XKR4: variants seen among roughly 807,000 people sequenced by gnomAD.
XKR4 encodes the protein XK-related protein 4.
In XKR4, 12 loss-of-function variants were observed where a neutral mutation model predicts 53.9. The ratio of observed to expected loss-of-function variants is 0.22; its 90% CI spans 0.14 to 0.36. The LOEUF is 0.36. XKR4 is among the 10% of genes least tolerant of loss of function. The probability of loss-of-function intolerance (pLI) is 1.00; values close to 1 mark genes in which losing one functional copy is unlikely to be tolerated. For missense variants in XKR4, 799 were observed against 859.5 expected (o/e 0.93, Z 0.88); for synonymous variants, 354 against 362.4 (o/e 0.98, Z 0.26).
intron 2 of XKR4, among the ~76,000 whole-genome samples, chr8:55,421,154 T>A (rs569976113): frequency 6.6e-6 from 1 of 152,344 alleles, no homozygotes; most frequent in African/African-American, 2.4e-5. Flanking sequence ...TAAAAACACT[T>A]CCGCTTGTAA....
chr8:55,314,229 A>C (rs4348472), intron 1 of XKR4, among the ~76,000 whole-genome samples: 57,835 of 151,976 alleles, frequency 0.38, 12,171 homozygotes, highest in East Asian at 0.63. Context: ...TATGAGCCAA[A>C]CTCGTGCCAA....
intron 1 of XKR4, among the ~76,000 whole-genome samples, chr8:55,252,563 G>A (rs1482521941): frequency 6.6e-6 from 1 of 152,212 alleles, no homozygotes; most frequent in African/African-American, 2.4e-5. Context: ...AGGAGTTGGT[G>A]CAAATAATAA....
chr8:55,319,837 CAGTT>C (rs1188594818), intron 1 of XKR4, among the ~76,000 whole-genome samples: 2 of 152,090 alleles, frequency 1.3e-5, no homozygotes, highest in African/African-American at 2.4e-5. Flanking sequence ...CTTGTTTTCT[CAGTT>C]AGGCAGTGGT....
chr8:55,369,568 G>A (rs955074719), intron 2 of XKR4, among the ~76,000 whole-genome samples: 3 of 143,434 alleles, frequency 2.1e-5, no homozygotes, highest in Admixed American at 7.0e-5. Flanking sequence ...AAGGAAGGGA[G>A]GGAGGGAGGG....
intron 1 of XKR4, among the ~76,000 whole-genome samples, chr8:55,229,218 G>T (rs1469888120): frequency 2.6e-5 from 4 of 151,998 alleles, no homozygotes; most frequent in African/African-American, 9.7e-5. Context: ...TCTGAAAGGG[G>T]CCGGCTGACA....
At chr8:55,295,012 A>T (rs1047150602) in intron 1 of XKR4, among the ~76,000 whole-genome samples, 5 of 152,188 alleles carry the variant, frequency 3.3e-5, no homozygotes, top group Non-Finnish European at 7.3e-5. Flanking sequence ...TTCTTTCTCC[A>T]TGCCAAATCA....
At chr8:55,272,377 C>A (rs1234816792) in intron 1 of XKR4, among the ~76,000 whole-genome samples, 2 of 152,244 alleles carry the variant, frequency 1.3e-5, no homozygotes, top group East Asian at 3.9e-4. Context: ...CTGGGTAAAG[C>A]CACCGTGTCA....
chr8:55,516,596 T>C (rs1389575660), intron 2 of XKR4, among the ~76,000 whole-genome samples: 1 of 152,160 alleles, frequency 6.6e-6, no homozygotes, highest in Non-Finnish European at 1.5e-5. Flanking sequence ...GCAAATGTAC[T>C]CATTCATTAA....
At chr8:55,417,302 G>A (rs946190607) in intron 2 of XKR4, among the ~76,000 whole-genome samples, 1 of 152,222 alleles carries the variant, frequency 6.6e-6, no homozygotes, top group Non-Finnish European at 1.5e-5. Context: ...CGGTTTAGGA[G>A]AGAAGTTTTT....
In XKR4 at chr8:55,102,119, C is replaced by G. The variant is rs1400865857; in HGVS notation, c.-370C>G. 1.3e-5 allele frequency among the ~76,000 whole-genome samples: 2 copies of G among 151,086 alleles called. No individual in the cohort carries two copies. The highest frequency in any genetic ancestry group is 6.6e-5 in the Admixed American group (1 of 15,216). On this transcript the variant is annotated 5_prime_UTR_variant, in exon 1 of 3. Coordinates refer to ENST00000327381, the MANE Select transcript of XKR4 (RefSeq NM_052898.2). This position sits in a 1 kb window ranked among gnomAD's most constrained non-coding sequence, Gnocchi z 5.1. Reference sequence around the variant, plus strand: ...GAGAGGAATGTGCAGGTCCGAGGAGCGCCGCGGCGGCCGCTGCTGCTCCTG... The same window carrying G: ...GAGAGGAATGTGCAGGTCCGAGGAGGGCCGCGGCGGCCGCTGCTGCTCCTG...
intron 2 of XKR4, among the ~76,000 whole-genome samples, chr8:55,482,601 A>G (rs1030001080): frequency 6.6e-6 from 1 of 152,134 alleles, no homozygotes; most frequent in African/African-American, 2.4e-5. Context: ...ACCTGAATAG[A>G]AAAGTATTAT....
chr8:55,183,511 A>G (rs1817341047), intron 1 of XKR4, among the ~76,000 whole-genome samples: 1 of 152,074 alleles, frequency 6.6e-6, no homozygotes, highest in Non-Finnish European at 1.5e-5. Context: ...ATTTACAAGT[A>G]TACTGCTTAA....
chr8:55,277,729 A>C lies in XKR4; in HGVS notation c.807-79949A>C, dbSNP rs56285176. On this transcript the variant is annotated intron_variant, in intron 1 of 2. Transcript: ENST00000327381. The stretch of plus-strand genomic sequence containing the variant: ...ATGCTCAACCTGTACTTACATACAC[A>C]TATCTCCTCAAACACTTCTGGGTTG... Among the ~76,000 whole-genome samples, 556 of 152,288 alleles carry C rather than the reference A, an allele frequency of 3.7e-3. 5 individuals carry two copies. The highest frequency in any genetic ancestry group is 0.012 in the African/African-American group (503 of 41,556).
intron 2 of XKR4, among the ~76,000 whole-genome samples, chr8:55,358,518 G>A (rs1421174528): frequency 6.6e-6 from 1 of 152,184 alleles, no homozygotes; most frequent in East Asian, 1.9e-4. Flanking sequence ...GATCTCATCA[G>A]TAGGACTATT....
At chr8:55,414,050 C>T (rs1336805630) in intron 2 of XKR4, among the ~76,000 whole-genome samples, 1 of 152,084 alleles carries the variant, frequency 6.6e-6, no homozygotes. Flanking sequence ...TATAAAATTC[C>T]TTCATCATAA....
chr8:55,218,897 C>T (rs1179930921), intron 1 of XKR4, among the ~76,000 whole-genome samples: 2 of 152,174 alleles, frequency 1.3e-5, no homozygotes, highest in Admixed American at 1.3e-4. Flanking sequence ...GTTCTCACAT[C>T]TGAGACGCAC....
intron 1 of XKR4, among the ~76,000 whole-genome samples, chr8:55,184,251 T>C: frequency 6.6e-6 from 1 of 152,212 alleles, no homozygotes; most frequent in East Asian, 1.9e-4. Context: ...ATCCTTAGTG[T>C]TCTCATGGGA....
At chr8:55,207,813 T>G (rs1007281972) in intron 1 of XKR4, among the ~76,000 whole-genome samples, 7 of 152,078 alleles carry the variant, frequency 4.6e-5, no homozygotes, top group African/African-American at 1.7e-4. Context: ...GCCATGTGAT[T>G]AAATCTAAGA....
intron 1 of XKR4, among the ~76,000 whole-genome samples, chr8:55,218,282 T>A (rs1368726166): frequency 1.3e-5 from 2 of 152,242 alleles, no homozygotes; most frequent in African/African-American, 4.8e-5. Context: ...TTATGTCATG[T>A]GATATGTGGT....
Sources: gnomAD v4.1 joint callset for allele counts (sites outside exome capture counted in the v4.1 genomes callset) on GRCh38, gnomAD v4.1.1 for gene constraint, Gnocchi (gnomAD v3.1) non-coding constraint, MANE v1.5 for transcripts, NCBI Gene and HGNC (gene_info 2026-07-23, HGNC 2026-07-21) for gene names.